SCFD2: variants seen among roughly 807,000 people sequenced by gnomAD.
SCFD2 encodes sec1 family domain containing 2.
In SCFD2, 54 loss-of-function variants were observed where a neutral mutation model predicts 58.9. The ratio of observed to expected loss-of-function variants is 0.92; its 90% CI spans 0.74 to 1.15. The LOEUF is 1.15. Among genes scored for constraint, SCFD2 ranks in the 50% most tolerant of loss-of-function variants. The pLI is 0.00. For missense variants in SCFD2, 805 were observed against 836.6 expected, an observed-to-expected ratio of 0.96 and a Z score of 0.47; for synonymous variants, 321 against 335.9, an observed-to-expected ratio of 0.96 and a Z score of 0.49.
chr4:53,189,695 T>C lies in SCFD2; in HGVS notation c.1312-44113A>G, dbSNP rs767625598. Among the ~76,000 whole-genome samples the C allele has an allele frequency of 2.6e-5, 4 of 152,166 alleles. No individual in the cohort carries two copies. The East Asian group carries it at 7.7e-4, about 29-fold the overall frequency. On this transcript the variant is annotated intron_variant, in intron 4 of 8. Transcript: ENST00000401642. ...CACATTGGAGCTTAGGGCTTCAACA[T>C]AGGGATTTGGAAGAGACACAAACAT... is the stretch of plus-strand genomic sequence containing the variant.
intron 5 of SCFD2, among the ~76,000 whole-genome samples, chr4:53,112,561 TA>T (rs1560341144): frequency 6.6e-6 from 1 of 152,058 alleles, no homozygotes; most frequent in African/African-American, 2.4e-5. Flanking sequence ...TTACAGGACA[TA>T]AAATAATGCT....
intron 4 of SCFD2, among the ~76,000 whole-genome samples, chr4:53,169,124 C>T (rs1156639321): frequency 6.6e-6 from 1 of 152,170 alleles, no homozygotes; most frequent in African/African-American, 2.4e-5. Flanking sequence ...GCCTGTAATC[C>T]CAGCACTTTG....
chr4:53,230,030 C>G (rs1729378540), intron 4 of SCFD2, among the ~76,000 whole-genome samples: 2 of 152,210 alleles, frequency 1.3e-5, no homozygotes, highest in South Asian at 2.1e-4. Context: ...AAATGCTCAT[C>G]ACCACTGGCC....
At chr4:53,097,033 G>A (rs1384620261) in intron 5 of SCFD2, among the ~76,000 whole-genome samples, 5 of 152,058 alleles carry the variant, frequency 3.3e-5, no homozygotes, top group Non-Finnish European at 7.4e-5. Context: ...GTAGATGTGT[G>A]GTATTATTTC....
At chr4:53,176,947 C>CAAAAAAAAAAA (rs3064988) in intron 4 of SCFD2, among the ~76,000 whole-genome samples, 1 of 124,688 alleles carries the variant, frequency 8.0e-6, no homozygotes, top group African/African-American at 3.0e-5. Flanking sequence ...ACAACAATCT[C>CAAAAAAAAAAA]AAAAAAAAAA....
chr4:53,331,655 A>G (rs1472465177), intron 2 of SCFD2, among the ~76,000 whole-genome samples: 4 of 152,214 alleles, frequency 2.6e-5, no homozygotes, highest in Non-Finnish European at 5.9e-5. Context: ...GAAAGATCTA[A>G]AATTGACACC....
rs77685174 is a variant in SCFD2, at chr4:53,228,237, T to C, written c.1311+45589A>G. On this transcript the variant is annotated intron_variant, in intron 4 of 8. Coordinates refer to ENST00000401642, the MANE Select transcript of SCFD2 (RefSeq NM_152540.4). ...CTATCTCATAATTTCAGTACAAACA[T>C]CTTGTAAAGACTTCAGGATGATTTT... Among the ~76,000 whole-genome samples the C allele has an allele frequency of 2.7e-3, 413 of 152,264 alleles. 1 individual carries two copies. The highest frequency in any genetic ancestry group is 9.5e-3 in the African/African-American group (395 of 41,546).
At chr4:53,348,697 T>C (rs78058238) in intron 2 of SCFD2, among the ~76,000 whole-genome samples, 1 of 151,772 alleles carries the variant, frequency 6.6e-6, no homozygotes, top group Non-Finnish European at 1.5e-5. Flanking sequence ...TCTAGACTCA[T>C]CTTTGACACT....
At chr4:53,259,208 A>G (rs1730752384) in intron 4 of SCFD2, among the ~76,000 whole-genome samples, 1 of 152,172 alleles carries the variant, frequency 6.6e-6, no homozygotes, top group Non-Finnish European at 1.5e-5. Flanking sequence ...TGCTGTGCAG[A>G]AGCTTTTTAG....
At chr4:53,002,161 C>A (rs1394719372) in intron 5 of SCFD2, among the ~76,000 whole-genome samples, 7 of 152,068 alleles carry the variant, frequency 4.6e-5, no homozygotes, top group Admixed American at 3.9e-4. Context: ...CCAAGAGAGG[C>A]CCCTTGTGAG....
chr4:52,973,476 T>C (rs1227740793), intron 5 of SCFD2, among the ~76,000 whole-genome samples: 2 of 152,154 alleles, frequency 1.3e-5, no homozygotes, highest in Admixed American at 6.5e-5. Flanking sequence ...CAGGAAGAAG[T>C]TGAATCTCTG....
At chr4:53,330,007 G>C (rs1424247343) in intron 2 of SCFD2, among the ~76,000 whole-genome samples, 2 of 151,768 alleles carry the variant, frequency 1.3e-5, no homozygotes, top group South Asian at 4.2e-4. Context: ...GATGGAAGAT[G>C]AAATGAATGA....
At chr4:53,184,064 T>A (rs1727665387) in intron 4 of SCFD2, among the ~76,000 whole-genome samples, 1 of 152,176 alleles carries the variant, frequency 6.6e-6, no homozygotes, top group Non-Finnish European at 1.5e-5. Flanking sequence ...TAGAAAAATA[T>A]CCCATTTAAA....
intron 5 of SCFD2, among the ~76,000 whole-genome samples, chr4:53,024,320 C>T (rs994891675): frequency 6.6e-6 from 1 of 152,116 alleles, no homozygotes; most frequent in Non-Finnish European, 1.5e-5. Context: ...ACACTGAACA[C>T]CAAAGGCTTT....
At position 53,255,791 on chromosome 4, in the gene SCFD2, G is replaced by A. The variant is rs1259308878; in HGVS notation, c.1311+18035C>T. Among the ~76,000 whole-genome samples the A allele has an allele frequency of 8.9e-4, 135 of 151,306 alleles. 1 individual carries two copies. The highest frequency in any genetic ancestry group is 2.8e-3 in the African/African-American group (114 of 41,300). On this transcript the variant is annotated intron_variant, in intron 4 of 8. Transcript: ENST00000401642. ...TCCTCACTTCCCAGTAGGGGCGGCC[G>A]GGCAGAGGCGCCCCTCACCTCCCGG...
intron 4 of SCFD2, among the ~76,000 whole-genome samples, chr4:53,181,382 T>C (rs1029355535): frequency 1.3e-5 from 2 of 152,158 alleles, no homozygotes; most frequent in African/African-American, 2.4e-5. Flanking sequence ...ATCCAACATA[T>C]AAACAGAACC....
intron 1 of SCFD2, among the ~76,000 whole-genome samples, chr4:53,353,369 G>A (rs925919741): frequency 3.3e-5 from 5 of 152,170 alleles, no homozygotes; most frequent in Non-Finnish European, 5.9e-5. Context: ...GCTCATAAAG[G>A]CATGCACGGA....
chr4:53,220,731 C>T (rs1477954140), intron 4 of SCFD2, among the ~76,000 whole-genome samples: 5 of 152,186 alleles, frequency 3.3e-5, no homozygotes, highest in African/African-American at 9.7e-5. Flanking sequence ...AGGCTTCACA[C>T]ATATCACAAG....
chr4:53,183,417 A>G (rs1267125363), intron 4 of SCFD2, among the ~76,000 whole-genome samples: 1 of 151,820 alleles, frequency 6.6e-6, no homozygotes, highest in African/African-American at 2.4e-5. Context: ...AAAACCAAAC[A>G]CCGCATGTTC....
Sources: allele counts gnomAD v4.1 joint callset (sites outside exome capture counted in the v4.1 genomes callset), GRCh38; gene constraint gnomAD v4.1.1; transcripts MANE v1.5; gene names NCBI Gene and HGNC (gene_info 2026-07-23, HGNC 2026-07-21).